SIMC1: variants seen among roughly 807,000 people sequenced by gnomAD.
SIMC1 encodes the protein SUMO interacting motifs containing 1.
SIMC1 carries 55 observed loss-of-function variants against 82.3 expected under a neutral mutation model. The observed-to-expected ratio is 0.67, with a 90% CI of 0.54 to 0.84. SIMC1 has a LOEUF of 0.84. SIMC1 is among the 40% of genes least tolerant of loss of function. The probability of loss-of-function intolerance (pLI) is 0.00; values close to 1 mark genes in which losing one functional copy is unlikely to be tolerated. For missense variants in SIMC1, 915 were observed against 1,107.2 expected, an observed-to-expected ratio of 0.83 and a Z score of 2.46; for synonymous variants, 353 against 426.3, an observed-to-expected ratio of 0.83 and a Z score of 2.12.
At chr5:176,243,231 C>T (rs945865635) in intron 1 of SIMC1, among the ~76,000 whole-genome samples, 1 of 151,938 alleles carries the variant, frequency 6.6e-6, no homozygotes, top group African/African-American at 2.4e-5. Flanking sequence ...TAATATTTGA[C>T]CTGAGACTAA....
chr5:176,301,344 C>T (rs577924784), intron 4 of SIMC1, among the ~76,000 whole-genome samples: 6 of 152,298 alleles, frequency 3.9e-5, no homozygotes, highest in Admixed American at 6.5e-5. Flanking sequence ...GCTCCTCATT[C>T]GCCTTTTGCC....
intron 4 of SIMC1, among the ~76,000 whole-genome samples, chr5:176,305,052 A>C (rs2113312554): frequency 6.9e-6 from 1 of 145,116 alleles, no homozygotes; most frequent in South Asian, 2.2e-4. Flanking sequence ...CTGGGAAGTG[A>C]GGAGCGTCTC....
intron 4 of SIMC1, among the ~76,000 whole-genome samples, chr5:176,307,678 G>A (rs1312778497): frequency 6.6e-6 from 1 of 152,204 alleles, no homozygotes; most frequent in Non-Finnish European, 1.5e-5. Context: ...GGGATTACAG[G>A]TTGTAAGCCA....
intron 4 of SIMC1, among the ~76,000 whole-genome samples, chr5:176,297,327 C>T (rs1763857556): frequency 6.6e-6 from 1 of 151,848 alleles, no homozygotes; most frequent in African/African-American, 2.4e-5. Flanking sequence ...ATGGAGAAAC[C>T]CTGTCTCTAC....
At chr5:176,332,938 C>T (rs1388658663) in intron 7 of SIMC1, among the ~76,000 whole-genome samples, 2 of 152,166 alleles carry the variant, frequency 1.3e-5, no homozygotes, top group African/African-American at 4.8e-5. Context: ...CCCTCCCATC[C>T]CAACCCCTTT....
intron 5 of SIMC1, among the ~76,000 whole-genome samples, chr5:176,320,878 C>T (rs1561722055): frequency 6.6e-6 from 1 of 152,012 alleles, no homozygotes; most frequent in Non-Finnish European, 1.5e-5. Flanking sequence ...TTGGATTAAA[C>T]GTCATCTTAA....
In SIMC1 at chr5:176,345,226, C is replaced by T; in HGVS notation, c.2457C>T (p.Ile819=). The T allele has an allele frequency of 6.2e-7, 1 of 1,613,922 alleles. No homozygotes were observed. The highest frequency in any genetic ancestry group is 8.5e-7 in the Non-Finnish European group (1 of 1,179,862). The change falls in exon 10 of 10, where the codon ATC becomes ATT. Residue 819 remains isoleucine (I), a synonymous_variant. Transcript: ENST00000429602. ...TGATCGACCGAAAGGACTTAATAAT[C>T]AAAAGGATTAAGCCCAAACCCCAGC... The part of the protein sequence containing the change: ...SSVIDRKDLI[I]KRIKPKPQQG...
intron 7 of SIMC1, among the ~76,000 whole-genome samples, chr5:176,326,847 A>G (rs763383033): frequency 6.6e-6 from 1 of 152,166 alleles, no homozygotes; most frequent in Non-Finnish European, 1.5e-5. Context: ...TTACAGGCGT[A>G]AACCACCACA....
At chr5:176,288,423 G>GAATGAATGAATGAATA (rs1554109230) in intron 1 of SIMC1, among the ~76,000 whole-genome samples, 39 of 126,800 alleles carry the variant, frequency 3.1e-4, no homozygotes, top group African/African-American at 1.1e-3. Flanking sequence ...ATGAATGAAT[G>GAATGAATGAATGAATA]AATAAATAAA....
chr5:176,284,121 T>C (rs1343592685), intron 1 of SIMC1, among the ~76,000 whole-genome samples: 1 of 151,934 alleles, frequency 6.6e-6, no homozygotes, highest in Non-Finnish European at 1.5e-5. Flanking sequence ...ATCAATGAGA[T>C]AGAAAGTCAA....
chr5:176,273,014 A>G (rs1762514767), intron 1 of SIMC1, among the ~76,000 whole-genome samples: 1 of 152,238 alleles, frequency 6.6e-6, no homozygotes, highest in Non-Finnish European at 1.5e-5. Context: ...GGCAGGGCAT[A>G]GCCGAACAAA....
At chr5:176,317,184 C>T (rs1764951785) in intron 5 of SIMC1, among the ~76,000 whole-genome samples, 1 of 152,144 alleles carries the variant, frequency 6.6e-6, no homozygotes, top group Admixed American at 6.6e-5. Context: ...ATATATTTAT[C>T]TAAATTCATC....
chr5:176,332,277 T>A (rs78978516), intron 7 of SIMC1, among the ~76,000 whole-genome samples: 1,646 of 152,260 alleles, frequency 0.011, 26 homozygotes, highest in East Asian at 0.055. Flanking sequence ...TAAAATCTTT[T>A]TGTTTGTTTT....
chr5:176,294,016 T>G (rs925319423), intron 2 of SIMC1, among the ~76,000 whole-genome samples: 2 of 151,910 alleles, frequency 1.3e-5, no homozygotes, highest in African/African-American at 4.8e-5. Context: ...AAAAAAAAAA[T>G]GGAATTCTTC....
At chr5:176,279,595 T>C (rs1358418293) in intron 1 of SIMC1, among the ~76,000 whole-genome samples, 1 of 150,818 alleles carries the variant, frequency 6.6e-6, no homozygotes, top group African/African-American at 2.4e-5. Context: ...TTTCCTGCTT[T>C]CTCTTGTGGG....
chr5:176,315,796 A>G (rs1187329761), intron 5 of SIMC1, among the ~76,000 whole-genome samples: 1 of 152,144 alleles, frequency 6.6e-6, no homozygotes. Context: ...ATTTTTTCTA[A>G]AGATTAAATG....
chr5:176,303,204 G>T (rs1019026242), intron 4 of SIMC1, among the ~76,000 whole-genome samples: 2 of 150,176 alleles, frequency 1.3e-5, no homozygotes, highest in African/African-American at 4.9e-5. Flanking sequence ...GGAGGCAGAG[G>T]TTGCAGTGAG....
At chr5:176,284,423 A>G (rs1316148722) in intron 1 of SIMC1, among the ~76,000 whole-genome samples, 1 of 68,678 alleles carries the variant, frequency 1.5e-5, no homozygotes, top group Admixed American at 1.4e-4. Flanking sequence ...TTGAATGACT[A>G]CTGGGGTACA....
chr5:176,265,063 A>G (rs1365902082), intron 1 of SIMC1, among the ~76,000 whole-genome samples: 1 of 152,168 alleles, frequency 6.6e-6, no homozygotes, highest in Admixed American at 6.5e-5. Context: ...AAAAGAAATG[A>G]AACTGTCCCT....
Sources: gnomAD v4.1 joint callset for allele counts (sites outside exome capture counted in the v4.1 genomes callset) on GRCh38, gnomAD v4.1.1 for gene constraint, MANE v1.5 for transcripts, NCBI Gene and HGNC (gene_info 2026-07-23, HGNC 2026-07-21) for gene names.